Variants in PCDH15 observed in about 807,000 individuals in gnomAD.
PCDH15 encodes the protein protocadherin-15.
In PCDH15, 129 loss-of-function variants were observed where a neutral mutation model predicts 178.5. That is an observed-to-expected ratio of 0.72 (90% CI 0.63 to 0.84). PCDH15 has a LOEUF of 0.84. PCDH15 is among the 40% of genes least tolerant of loss of function. The pLI, the probability that PCDH15 is intolerant of heterozygous loss-of-function variation, is 0.00. For missense variants in PCDH15, 2,230 were observed against 2,099.9 expected, an observed-to-expected ratio of 1.06 and a Z score of -1.21; for synonymous variants, 800 against 732.0, an observed-to-expected ratio of 1.09 and a Z score of -1.50.
chr10:55,084,524 ATT>A (rs1177999495), intron 2 of PCDH15, among the ~76,000 whole-genome samples: 1 of 151,660 alleles, frequency 6.6e-6, no homozygotes, highest in African/African-American at 2.4e-5. Context: ...AGGCAAATAT[ATT>A]TTGAGTAATA....
At chr10:54,843,914 A>G (rs527236887) in intron 3 of PCDH15, among the ~76,000 whole-genome samples, 10 of 152,182 alleles carry the variant, frequency 6.6e-5, no homozygotes, top group African/African-American at 2.4e-4. Context: ...AATGGCAATG[A>G]ACACAAAAAT....
At chr10:53,854,927 G>C (rs1289370803) in intron 28 of PCDH15, among the ~76,000 whole-genome samples, 1 of 151,928 alleles carries the variant, frequency 6.6e-6, no homozygotes, top group Non-Finnish European at 1.5e-5. Context: ...ATTCTCTCAA[G>C]ACCTGAAAGT....
At chr10:55,283,615 C>T (rs1842790539) in intron 1 of PCDH15, among the ~76,000 whole-genome samples, 1 of 150,926 alleles carries the variant, frequency 6.6e-6, no homozygotes, top group Non-Finnish European at 1.5e-5. Context: ...CATTCTTGCC[C>T]ACCTGCTTTC....
intron 29 of PCDH15, among the ~76,000 whole-genome samples, chr10:53,831,779 T>TA (rs1158993245): frequency 6.6e-6 from 1 of 152,222 alleles, no homozygotes; most frequent in Non-Finnish European, 1.5e-5. Flanking sequence ...CTTATAGACT[T>TA]AAAAAATCTA....
chr10:55,502,070 C>A (rs1177170481), intron 2 of PCDH15, among the ~76,000 whole-genome samples: 1 of 151,562 alleles, frequency 6.6e-6, no homozygotes, highest in African/African-American at 2.4e-5. Context: ...AATTCATTCA[C>A]ATGTAAGAAA....
intron 25 of PCDH15, among the ~76,000 whole-genome samples, chr10:53,925,959 A>G (rs1305067609): frequency 1.3e-5 from 2 of 152,058 alleles, no homozygotes; most frequent in Non-Finnish European, 2.9e-5. Context: ...TTCAAAACCT[A>G]CCTGTCAGTC....
intron 2 of PCDH15, among the ~76,000 whole-genome samples, chr10:55,039,878 C>G (rs1397052926): frequency 6.6e-6 from 1 of 151,964 alleles, no homozygotes; most frequent in Admixed American, 6.6e-5. Flanking sequence ...GGACTCTGTT[C>G]ATAACCCAAT....
intron 1 of PCDH15, among the ~76,000 whole-genome samples, chr10:54,742,828 C>T (rs916879623): frequency 2.0e-5 from 3 of 152,020 alleles, no homozygotes; most frequent in African/African-American, 7.2e-5. Context: ...ACAAAGAATA[C>T]ATTGCCCAGT....
At chr10:54,778,390 T>G (rs1341357706) in intron 1 of PCDH15, among the ~76,000 whole-genome samples, 3 of 152,132 alleles carry the variant, frequency 2.0e-5, no homozygotes, top group Non-Finnish European at 4.4e-5. Context: ...CCATCAATAG[T>G]CCCGGGGTGG....
chr10:54,762,085 A>G (rs1451080268), intron 1 of PCDH15, among the ~76,000 whole-genome samples: 1 of 152,150 alleles, frequency 6.6e-6, no homozygotes, highest in Admixed American at 6.5e-5. Flanking sequence ...TATACTCTCC[A>G]ACTAATTTAA....
At chr10:54,578,800 A>G (rs923550066) in intron 2 of PCDH15, among the ~76,000 whole-genome samples, 3 of 152,142 alleles carry the variant, frequency 2.0e-5, no homozygotes, top group Admixed American at 6.5e-5. Context: ...CTGGCAGAAG[A>G]CTTCTCAGTA....
intron 1 of PCDH15, among the ~76,000 whole-genome samples, chr10:55,250,482 T>TAAAA (rs202237750): frequency 6.8e-5 from 9 of 132,996 alleles, no homozygotes; most frequent in Admixed American, 3.9e-4. Flanking sequence ...CAGACCCTTG[T>TAAAA]AAAAAAAAAA....
chr10:54,153,823 C>T (rs543275158), intron 13 of PCDH15, among the ~76,000 whole-genome samples: 2 of 152,156 alleles, frequency 1.3e-5, no homozygotes, highest in East Asian at 3.9e-4. Flanking sequence ...TACAATTGCT[C>T]TAGGAAAGGT....
At position 54,825,371 on chromosome 10, in the gene PCDH15, T is replaced by G. The variant is rs1386446420; in HGVS notation, c.-29+72079A>C. On this transcript the variant is annotated intron_variant, in intron 3 of 5. Coordinates refer to the PCDH15 transcript ENST00000458638. The stretch of plus-strand genomic sequence containing the variant: ...GTCTTTATAGCAGCATGATTTATAG[T>G]CCTTTGGGTATATACCCAGTAATGG... 3.4e-5 allele frequency among the ~76,000 whole-genome samples: 5 copies of G among 147,336 alleles called. No homozygotes were observed. In the Admixed American group the frequency reaches 3.4e-4, roughly 10 times the overall value.
intron 23 of PCDH15, among the ~76,000 whole-genome samples, chr10:53,958,027 G>C (rs2087805113): frequency 2.6e-5 from 4 of 151,584 alleles, no homozygotes; most frequent in Admixed American, 2.6e-4. Context: ...TTGTATGAGA[G>C]GATGAAACTG....
At chr10:54,978,104 G>A (rs1839123412) in intron 2 of PCDH15, among the ~76,000 whole-genome samples, 1 of 152,034 alleles carries the variant, frequency 6.6e-6, no homozygotes, top group South Asian at 2.1e-4. Context: ...GTATATTGAT[G>A]ACAAAATATT....
chr10:55,261,611 A>T (rs1842146372), intron 1 of PCDH15, among the ~76,000 whole-genome samples: 1 of 152,170 alleles, frequency 6.6e-6, no homozygotes, highest in African/African-American at 2.4e-5. Context: ...ATATAAACTT[A>T]GAGGAAATGG....
At chr10:55,360,832 T>C (rs748964194) in intron 2 of PCDH15, among the ~76,000 whole-genome samples, 3 of 151,948 alleles carry the variant, frequency 2.0e-5, no homozygotes, top group Non-Finnish European at 4.4e-5. Flanking sequence ...AAATTCTATA[T>C]CTGTTATAAA....
chr10:54,857,621 TC>T (rs1953763529), intron 3 of PCDH15, among the ~76,000 whole-genome samples: 1 of 142,354 alleles, frequency 7.0e-6, no homozygotes, highest in Non-Finnish European at 1.6e-5. Context: ...AATTTTTTTT[TC>T]TTTTTTTTTT....
Sources: allele counts gnomAD v4.1 joint callset (sites outside exome capture counted in the v4.1 genomes callset), GRCh38; gene constraint gnomAD v4.1.1; transcripts MANE v1.5; gene names NCBI Gene and HGNC (gene_info 2026-07-23, HGNC 2026-07-21).